Variants in PALD1 observed in about 807,000 individuals in gnomAD.
PALD1 encodes the protein paladin.
In PALD1, 57 loss-of-function variants were observed where a neutral mutation model predicts 96.0. The observed-to-expected ratio is 0.59, with a 90% CI of 0.48 to 0.74. PALD1 has a LOEUF of 0.74. PALD1 is among the 30% of genes least tolerant of loss of function. The pLI, the probability that PALD1 is intolerant of heterozygous loss-of-function variation, is 0.00. For missense variants in PALD1, 1,063 were observed against 1,143.7 expected (o/e 0.93, Z 1.02); for synonymous variants, 464 against 473.6 (o/e 0.98, Z 0.26).
intron 4 of PALD1, 91 bp downstream of exon 4, chr10:70,530,159 C>A: frequency 2.8e-6 from 3 of 1,077,270 alleles, no homozygotes; most frequent in Non-Finnish European, 3.9e-6. Flanking sequence ...GCTGGAGGGG[C>A]CTGCTGCATG....
At chr10:70,500,453 T>G (rs2132291351) in intron 1 of PALD1, among the ~76,000 whole-genome samples, 1 of 152,322 alleles carries the variant, frequency 6.6e-6, no homozygotes, top group South Asian at 2.1e-4. Context: ...TCCTATATTC[T>G]GGCCTCACAA....
rs1485439589 is a variant in PALD1, at chr10:70,541,219, G to C, written c.2026G>C (p.Val676Leu). The C allele has an allele frequency of 6.2e-7, 1 of 1,609,332 alleles. No individual in the cohort carries two copies. The highest frequency in any genetic ancestry group is 8.5e-7 in the Non-Finnish European group (1 of 1,178,432). Residue 676 changes from valine to leucine, a missense_variant, in exon 16 of 20, where the codon GTC (valine) becomes CTC (leucine). Transcript: ENST00000263563. The stretch of plus-strand genomic sequence containing the variant: ...TACCACAACTGCGATGGTGGTGGCT[G>C]TCCTGGCCTTCTGGCACATCCAAGT... ...GRTTTAMVVA[V>L]LAFWHIQGFP...
chr10:70,547,417 C>T lies in PALD1; in HGVS notation c.2233C>T (p.Arg745Trp), dbSNP rs1236381462. The T allele has an allele frequency of 5.0e-6, 8 of 1,611,852 alleles. No homozygotes were observed. Among genetic ancestry groups the T allele is most frequent in the Admixed American group, 1.7e-5 (1 of 59,966 alleles). Residue 745 changes from arginine to tryptophan, a missense_variant, in exon 18 of 20, where the codon CGG (arginine) becomes TGG (tryptophan). Transcript: ENST00000263563. Reference protein sequence around the residue: ...ETMTPMHYHLREIIICTYRQA... With the variant: ...ETMTPMHYHLWEIIICTYRQA... ...CATGACGCCCATGCACTACCACCTG[C>T]GGGAGATCATCATCTGCACCTACCG...
chr10:70,535,698 C>T (rs1045176811), intron 10 of PALD1, among the ~76,000 whole-genome samples: 10 of 151,494 alleles, frequency 6.6e-5, no homozygotes, highest in Non-Finnish European at 1.3e-4. Context: ...TTCTTCTTCT[C>T]TTCCTCCTCC....
intron 4 of PALD1, among the ~76,000 whole-genome samples, chr10:70,530,837 T>C (rs1475426392): frequency 1.3e-5 from 2 of 152,158 alleles, no homozygotes; most frequent in Non-Finnish European, 2.9e-5. Context: ...TGGTGCTCAG[T>C]GAATGAATGA....
At chr10:70,508,866 T>G in intron 1 of PALD1, among the ~76,000 whole-genome samples, 1 of 150,358 alleles carries the variant, frequency 6.7e-6, no homozygotes, top group African/African-American at 2.5e-5. Flanking sequence ...TGCAGGCCTG[T>G]GGGAGTTGCG....
intron 1 of PALD1, among the ~76,000 whole-genome samples, chr10:70,508,869 G>T (rs1190425708): frequency 6.6e-6 from 1 of 150,540 alleles, no homozygotes; most frequent in Non-Finnish European, 1.5e-5. Context: ...AGGCCTGTGG[G>T]AGTTGCGGGA....
chr10:70,496,743 A>G (rs1368886163), intron 1 of PALD1, among the ~76,000 whole-genome samples: 5 of 152,050 alleles, frequency 3.3e-5, no homozygotes, highest in African/African-American at 1.2e-4. Flanking sequence ...ATGAACATGA[A>G]CACCCGCTTC....
rs7070313 is a variant in PALD1, at chr10:70,479,007, G to T, written c.-82G>T. Reference sequence around the variant, plus strand: ...CTGACTCGGCGCCCGCAGTTCGGGCGCAGCACGCCGGCCGCAGGAGCACGG... The same window carrying T: ...CTGACTCGGCGCCCGCAGTTCGGGCTCAGCACGCCGGCCGCAGGAGCACGG... On this transcript the variant is annotated 5_prime_UTR_variant, in exon 1 of 20. Coordinates refer to ENST00000263563, the MANE Select transcript of PALD1 (RefSeq NM_014431.3). The T allele has an allele frequency of 0.14, 20,743 of 152,088 alleles. 1,895 individuals carry two copies. The highest frequency in any genetic ancestry group is 0.25 in the African/African-American group (10,328 of 41,428). 9.4% of individuals were successfully genotyped at this position (152,088 alleles called of 1,614,324 possible).
At chr10:70,466,841 C>G in the PALD1 span, among the ~76,000 whole-genome samples, 1 of 152,180 alleles carries the variant, frequency 6.6e-6, no homozygotes, top group African/African-American at 2.4e-5. Context: ...TTAGCAAGCT[C>G]ACCTCCGGGA....
intron 1 of PALD1, among the ~76,000 whole-genome samples, chr10:70,514,312 G>T (rs968473825): frequency 4.6e-5 from 7 of 152,210 alleles, no homozygotes; most frequent in African/African-American, 1.7e-4. Context: ...AGCCCCGCCT[G>T]CAGAGCAAAG....
chr10:70,464,170 A>G, the PALD1 span, among the ~76,000 whole-genome samples: 3 of 150,630 alleles, frequency 2.0e-5, no homozygotes, highest in Admixed American at 1.3e-4. Flanking sequence ...TGGACTTCAT[A>G]TAAATGATGA....
At chr10:70,489,750 C>G (rs1210221768) in intron 1 of PALD1, among the ~76,000 whole-genome samples, 1 of 152,054 alleles carries the variant, frequency 6.6e-6, no homozygotes, top group Non-Finnish European at 1.5e-5. Context: ...TGTCTCACCA[C>G]AGTCTAATTT....
At chr10:70,475,571 G>A (rs558484436), upstream of PALD1, among the ~76,000 whole-genome samples, 112 of 152,178 alleles carry the variant, frequency 7.4e-4, no homozygotes, top group South Asian at 1.9e-3. Flanking sequence ...AGAGTGGGGA[G>A]TAGAGAAGAG....
intron 1 of PALD1, among the ~76,000 whole-genome samples, chr10:70,517,285 T>C (rs942951383): frequency 1.3e-5 from 2 of 152,134 alleles, no homozygotes; most frequent in Admixed American, 1.3e-4. Context: ...CCTCTTGTTT[T>C]TAACAGATTT....
upstream of PALD1, among the ~76,000 whole-genome samples, chr10:70,475,012 G>C (rs1187469766): frequency 6.6e-6 from 1 of 152,198 alleles, no homozygotes; most frequent in African/African-American, 2.4e-5. Flanking sequence ...GTGTGAGCTT[G>C]GGTGGCAACA....
chr10:70,477,647 A>G (rs879736390), upstream of PALD1, among the ~76,000 whole-genome samples: 1 of 152,154 alleles, frequency 6.6e-6, no homozygotes, highest in Non-Finnish European at 1.5e-5. Flanking sequence ...GACCACCACA[A>G]TGAGTGATTT....
At position 70,566,656 on chromosome 10, in the gene PALD1, C is replaced by T; in HGVS notation, c.2494C>T (p.Pro832Ser). Residue 832 changes from proline to serine, a missense_variant, in exon 20 of 20, where the codon CCC becomes TCC. Physicochemically the swap from Pro to Ser is moderately conservative, Grantham distance 74 (BLOSUM62 -1). Coordinates refer to ENST00000263563, the MANE Select transcript of PALD1 (RefSeq NM_014431.3). The part of the protein sequence containing the change: ...FPELESGEDQ[P>S]FSRLRYRWQE... ...CGAGCTGGAGAGCGGGGAGGACCAG[C>T]CCTTCTCCAGGCTGCGCTACCGGTG... is the stretch of plus-strand genomic sequence containing the variant. The T allele has an allele frequency of 6.2e-7, 1 of 1,609,710 alleles. No individual in the cohort carries two copies. Among genetic ancestry groups the T allele is most frequent in the Non-Finnish European group, 8.5e-7 (1 of 1,178,696 alleles).
rs186506959 is a variant in PALD1 at position 70,514,455 on chromosome 10, C to T, written c.-29-11468C>T. On this transcript the variant is annotated intron_variant, in intron 1 of 19. Transcript: ENST00000263563. ...GAAGGGTTCCTGTGATCCCAGCCCCCAGACAGCTTTATTTTAACATTTAGA... is the reference window on the plus strand; with the variant it reads ...GAAGGGTTCCTGTGATCCCAGCCCCTAGACAGCTTTATTTTAACATTTAGA... Among the ~76,000 whole-genome samples, 885 of 152,254 alleles carry T rather than the reference C, an allele frequency of 5.8e-3. 7 individuals are homozygous for T. The highest frequency in any genetic ancestry group is 0.01 in the Middle Eastern group (3 of 294).
Sources: allele counts gnomAD v4.1 joint callset (sites outside exome capture counted in the v4.1 genomes callset), GRCh38; gene constraint gnomAD v4.1.1; transcripts MANE v1.5; gene names NCBI Gene and HGNC (gene_info 2026-07-23, HGNC 2026-07-21).